The following ST6GALNAC3 variants were observed in gnomAD, a reference collection of about 807,000 sequenced individuals.
ST6GALNAC3 encodes the protein ST6 N-acetylgalactosaminide alpha-2,6-sialyltransferase 3.
ST6GALNAC3 carries 25 observed loss-of-function variants against 32.7 expected under a neutral mutation model. The observed-to-expected ratio is 0.76, with a 90% CI of 0.56 to 1.07. The LOEUF (loss-of-function observed/expected upper bound fraction) is 1.07. Ranked by LOEUF, ST6GALNAC3 falls within the 50% of genes least tolerant of loss-of-function variation. ST6GALNAC3 has a pLI of 0.00. For missense variants in ST6GALNAC3, 355 were observed against 382.4 expected (o/e 0.93, Z 0.60); for synonymous variants, 129 against 133.1 (o/e 0.97, Z 0.21).
intron 3 of ST6GALNAC3, among the ~76,000 whole-genome samples, chr1:76,467,542 AAATATT>A (rs1428210072): frequency 6.6e-6 from 1 of 152,032 alleles, no homozygotes; most frequent in Admixed American, 6.6e-5. Flanking sequence ...TAAAGTAGAA[AAATATT>A]AATATTAATA....
At chr1:76,177,386 A>G (rs1652916621) in intron 1 of ST6GALNAC3, among the ~76,000 whole-genome samples, 1 of 152,146 alleles carries the variant, frequency 6.6e-6, no homozygotes, top group African/African-American at 2.4e-5. Context: ...TGTGATATGC[A>G]TTTTCTCCAA....
intron 3 of ST6GALNAC3, among the ~76,000 whole-genome samples, chr1:76,583,132 C>T (rs1646914902): frequency 6.6e-6 from 1 of 152,172 alleles, no homozygotes; most frequent in African/African-American, 2.4e-5. Context: ...TGCTGTCAGG[C>T]AGCAAATGTT....
At chr1:76,574,201 T>C (rs1646762158) in intron 3 of ST6GALNAC3, among the ~76,000 whole-genome samples, 1 of 152,052 alleles carries the variant, frequency 6.6e-6, no homozygotes, top group Admixed American at 6.6e-5. Context: ...CAGTTTTGAG[T>C]GATGATGTGT....
intron 2 of ST6GALNAC3, among the ~76,000 whole-genome samples, chr1:76,371,673 A>G (rs1161855771): frequency 6.6e-6 from 1 of 152,162 alleles, no homozygotes; most frequent in African/African-American, 2.4e-5. Flanking sequence ...TCTCCCCTAT[A>G]TTATAACTTT....
intron 3 of ST6GALNAC3, chr1:76,413,052 A>T (rs1309115980): frequency 3.2e-6 from 1 of 309,410 alleles, no homozygotes; most frequent in Non-Finnish European, 6.4e-6. Context: ...TGCATTTTTT[A>T]TTACATCCAT....
At chr1:76,363,766 T>C (rs138627049) in intron 2 of ST6GALNAC3, among the ~76,000 whole-genome samples, 1 of 152,150 alleles carries the variant, frequency 6.6e-6, no homozygotes, top group African/African-American at 2.4e-5. Flanking sequence ...CTTACAATCA[T>C]GGCGGAAAGC....
At chr1:76,480,886 A>G (rs1659680798) in intron 3 of ST6GALNAC3, among the ~76,000 whole-genome samples, 1 of 152,128 alleles carries the variant, frequency 6.6e-6, no homozygotes. Context: ...TTTTAAAAGC[A>G]TCATTCCACT....
intron 2 of ST6GALNAC3, among the ~76,000 whole-genome samples, chr1:76,346,611 G>A (rs969438980): frequency 6.6e-6 from 1 of 152,208 alleles, no homozygotes; most frequent in African/African-American, 2.4e-5. Flanking sequence ...CACAGCTACA[G>A]AGGCAGTGGG....
At chr1:76,622,003 A>G (rs150452676) in intron 3 of ST6GALNAC3, among the ~76,000 whole-genome samples, 1 of 151,986 alleles carries the variant, frequency 6.6e-6, no homozygotes, top group Admixed American at 6.6e-5. Flanking sequence ...TGCCAATACC[A>G]TGCTCTCCAA....
At chr1:76,607,018 C>T (rs781716920) in intron 3 of ST6GALNAC3, among the ~76,000 whole-genome samples, 1 of 152,120 alleles carries the variant, frequency 6.6e-6, no homozygotes, top group African/African-American at 2.4e-5. Flanking sequence ...CAGTTGCAGA[C>T]CTGGGCCTCT....
chr1:76,109,952 G>C (rs149949291), intron 1 of ST6GALNAC3, among the ~76,000 whole-genome samples: 1 of 152,226 alleles, frequency 6.6e-6, no homozygotes, highest in South Asian at 2.1e-4. Flanking sequence ...ATTTGAAAAT[G>C]TAATAGAGTG....
Position 76,473,298 on chromosome 1 carries a change from A to C in ST6GALNAC3, c.623+60881A>C, listed in dbSNP as rs116245476. 9.1e-3 allele frequency among the ~76,000 whole-genome samples: 1,379 copies of C among 152,212 alleles called. 19 individuals are homozygous for C. The highest frequency in any genetic ancestry group is 0.044 in the Middle Eastern group (13 of 294). On this transcript the variant is annotated intron_variant, in intron 3 of 4. Transcript: ENST00000328299. ...CTAGCCAGAATGTATAGTCTAACCA[A>C]AGGATTGAGAAGTCAGGTATGATAA... is the stretch of plus-strand genomic sequence containing the variant.
intron 1 of ST6GALNAC3, among the ~76,000 whole-genome samples, chr1:76,291,877 A>G (rs146973979): frequency 4.4e-4 from 67 of 152,380 alleles, no homozygotes; most frequent in African/African-American, 1.5e-3. Context: ...GTCACATTAC[A>G]TAACACTTAT....
Position 76,412,349 on chromosome 1 carries a change from A to G in ST6GALNAC3, c.555A>G (p.Ile185Met), listed in dbSNP as rs576964458. Residue 185 changes from isoleucine to methionine, a missense_variant, in exon 3 of 5, where the codon ATA becomes ATG. By Grantham distance (10) the Ile-to-Met change is conservative. Coordinates refer to ENST00000328299, the MANE Select transcript of ST6GALNAC3 (RefSeq NM_152996.4). ...TTGGTATCTATCCGAATGCCCAAAT[A>G]TACGTGACCACAGAGAAGCGCATGA... Reference protein sequence around the residue: ...KTVGIYPNAQIYVTTEKRMSY... With the variant: ...KTVGIYPNAQMYVTTEKRMSY... 1.1e-5 allele frequency: 17 copies of G among 1,613,566 alleles called. No homozygotes were observed. The East Asian group carries it at 1.6e-4, about 15-fold the overall frequency.
At chr1:76,400,329 A>C (rs549360966) in intron 2 of ST6GALNAC3, among the ~76,000 whole-genome samples, 5 of 152,316 alleles carry the variant, frequency 3.3e-5, no homozygotes, top group African/African-American at 1.2e-4. Flanking sequence ...TTTACTGTTA[A>C]TATTGCAAAT....
intron 3 of ST6GALNAC3, among the ~76,000 whole-genome samples, chr1:76,608,348 CAG>C (rs1289849990): frequency 6.6e-6 from 1 of 152,034 alleles, no homozygotes; most frequent in African/African-American, 2.4e-5. Flanking sequence ...ACTGGGAAAA[CAG>C]AGATTAACCA....
chr1:76,546,211 G>A (rs993778072), intron 3 of ST6GALNAC3, among the ~76,000 whole-genome samples: 23 of 152,158 alleles, frequency 1.5e-4, no homozygotes, highest in South Asian at 2.1e-4. Context: ...TATGTCCTGC[G>A]TGATTTGGAC....
At chr1:76,086,366 T>G (rs1423829067) in intron 1 of ST6GALNAC3, among the ~76,000 whole-genome samples, 1 of 152,210 alleles carries the variant, frequency 6.6e-6, no homozygotes, top group African/African-American at 2.4e-5. Flanking sequence ...ATAGTTTTTT[T>G]TCGTGTTGAT....
intron 1 of ST6GALNAC3, among the ~76,000 whole-genome samples, chr1:76,256,218 G>T (rs952134602): frequency 3.9e-5 from 6 of 152,116 alleles, no homozygotes; most frequent in African/African-American, 1.4e-4. Context: ...AATAATTTAA[G>T]AAGAAAAGAA....
Sources: allele counts gnomAD v4.1 joint callset (sites outside exome capture counted in the v4.1 genomes callset), GRCh38; gene constraint gnomAD v4.1.1; transcripts MANE v1.5; gene names NCBI Gene and HGNC (gene_info 2026-07-23, HGNC 2026-07-21).